The following WDFY4 variants were observed in gnomAD, a reference collection of about 807,000 sequenced individuals.
The protein encoded by WDFY4 is WD repeat- and FYVE domain-containing protein 4.
WDFY4 carries 169 observed loss-of-function variants against 351.9 expected under a neutral mutation model. That is an observed-to-expected ratio of 0.48 (90% CI 0.42 to 0.55). WDFY4 has a LOEUF of 0.55. Ranked by LOEUF, WDFY4 falls within the 20% of genes least tolerant of loss-of-function variation. The pLI is 0.00. For synonymous variants in WDFY4, 1,622 were observed against 1,574.6 expected (o/e 1.03, Z -0.71); for missense variants, 3,803 against 3,935.6 (o/e 0.97, Z 0.90).
chr10:48,736,317 T>C (rs2064666426), intron 11 of WDFY4: 2 of 607,922 alleles, frequency 3.3e-6, no homozygotes, highest in Non-Finnish European at 5.9e-6. Flanking sequence ...GGAACTACCA[T>C]CACCTGGGCA....
chr10:48,705,324 C>T (rs1039991930), intron 1 of WDFY4, among the ~76,000 whole-genome samples: 6 of 152,144 alleles, frequency 3.9e-5, no homozygotes, highest in African/African-American at 1.4e-4. Flanking sequence ...TCATTTTTGG[C>T]ACCTCCTTAA....
intron 51 of WDFY4, among the ~76,000 whole-genome samples, chr10:48,954,780 G>A (rs748804469): frequency 1.1e-4 from 17 of 152,138 alleles, no homozygotes; most frequent in Non-Finnish European, 1.8e-4. Context: ...TGAAACAAAT[G>A]TATGCAAATA....
intron 38 of WDFY4, 30 bp from the exon 39 acceptor site, chr10:48,832,543 C>T (rs1270899162): frequency 1.3e-6 from 2 of 1,517,660 alleles, no homozygotes; most frequent in Non-Finnish European, 1.8e-6. Context: ...CTCACTTCAC[C>T]TCTGACATTC....
At chr10:48,720,270 A>G in intron 3 of WDFY4, 145 bp downstream of exon 3, 1 of 829,484 alleles carries the variant, frequency 1.2e-6, no homozygotes, top group Non-Finnish European at 1.8e-6. Flanking sequence ...TCTGCCACTG[A>G]GTGCCTTAGG....
intron 55 of WDFY4, chr10:48,968,753 C>A (rs1842199306): frequency 2.5e-6 from 1 of 392,214 alleles, no homozygotes; most frequent in Non-Finnish European, 4.8e-6. Context: ...GCTCCAAATC[C>A]CGTGCTGTGA....
rs982541677 is a variant in WDFY4 at position 48,923,385 on chromosome 10, T to C, written c.7587-18421T>C. ...GAGATCAAGGAAGTCTATGCACTCA[T>C]CTGATGTTTATCAATGGCTTCTCCC... On this transcript the variant is annotated intron_variant, in intron 47 of 61. Transcript: ENST00000325239. 4.0e-5 allele frequency among the ~76,000 whole-genome samples: 6 copies of C among 151,898 alleles called. No homozygotes were observed. The South Asian group carries it at 1.0e-3, about 26-fold the overall frequency.
In WDFY4 at chr10:48,756,256, C is replaced by G. The variant is rs58378912; in HGVS notation, c.2460-4091C>G. On this transcript the variant is annotated intron_variant, in intron 12 of 61. Transcript: ENST00000325239. ...TGCACATGTTTTCTTAGATTTATACCAGAGTCTTTTGTTGAACACACTTCC... is the reference window on the plus strand; with the variant it reads ...TGCACATGTTTTCTTAGATTTATACGAGAGTCTTTTGTTGAACACACTTCC... Among the ~76,000 whole-genome samples the G allele has an allele frequency of 3.4e-4, 51 of 152,026 alleles. No homozygotes were observed. The East Asian group carries it at 9.4e-3, about 28-fold the overall frequency.
intron 47 of WDFY4, among the ~76,000 whole-genome samples, chr10:48,907,407 G>A (rs1023307477): frequency 2.7e-4 from 41 of 152,056 alleles, no homozygotes; most frequent in Non-Finnish European, 5.6e-4. Context: ...ATTGTACCTG[G>A]GTGTTTGCAG....
At chr10:48,883,001 C>A (rs1284301384) in intron 43 of WDFY4, among the ~76,000 whole-genome samples, 1 of 152,182 alleles carries the variant, frequency 6.6e-6, no homozygotes, top group African/African-American at 2.4e-5. Flanking sequence ...TGTTTTCGTT[C>A]CCTCTCTACT....
intron 45 of WDFY4, among the ~76,000 whole-genome samples, chr10:48,900,017 A>T (rs572305475): frequency 6.6e-6 from 1 of 152,156 alleles, no homozygotes; most frequent in Non-Finnish European, 1.5e-5. Context: ...AGCTGTGGTC[A>T]GGCCCCCTGC....
intron 39 of WDFY4, among the ~76,000 whole-genome samples, chr10:48,839,133 C>T (rs1383365577): frequency 2.6e-5 from 4 of 152,256 alleles, no homozygotes; most frequent in African/African-American, 4.8e-5. Context: ...AAAAAGCTCA[C>T]GAGCCCAGAG....
intron 19 of WDFY4, among the ~76,000 whole-genome samples, chr10:48,786,298 A>G (rs1017110634): frequency 1.2e-4 from 18 of 152,200 alleles, no homozygotes; most frequent in South Asian, 1.0e-3. Context: ...TCCACTCTGT[A>G]TGTATGTAAT....
At chr10:48,954,558 T>C (rs1841494406) in intron 51 of WDFY4, among the ~76,000 whole-genome samples, 1 of 152,230 alleles carries the variant, frequency 6.6e-6, no homozygotes, top group Non-Finnish European at 1.5e-5. Context: ...TCTCTGCCTC[T>C]TACCTTCTTG....
intron 51 of WDFY4, among the ~76,000 whole-genome samples, chr10:48,953,333 T>TCTCA (rs771339557): frequency 0.022 from 2,837 of 128,098 alleles, 70 homozygotes; most frequent in African/African-American, 0.06. Flanking sequence ...TCTCTCTCTC[T>TCTCA]CACACACACA....
chr10:48,897,485 A>G lies in WDFY4; in HGVS notation c.7348A>G (p.Ser2450Gly). 1 of 1,551,786 alleles carries G rather than the reference A, an allele frequency of 6.4e-7. No homozygotes were observed. Among genetic ancestry groups the G allele is most frequent in the Non-Finnish European group, 8.7e-7 (1 of 1,147,044 alleles). The change falls in exon 45 of 62, where the codon AGC (serine) becomes GGC (glycine). Residue 2450 changes from serine to glycine, a missense_variant. Ser to Gly is a moderately conservative substitution (Grantham distance 56). Around this residue, in one of 3 missense-constraint regions of WDFY4, gnomAD observed 3,054 missense variants for 3,148.6 expected, o/e 0.97. Transcript: ENST00000325239. Reference sequence around the variant, plus strand: ...CGATCCGTTCATTTTCAACCTGTGCAGCAAAGACAGGTCCACTGACCATTA... The same window carrying G: ...CGATCCGTTCATTTTCAACCTGTGCGGCAAAGACAGGTCCACTGACCATTA... The part of the protein sequence containing the change: ...ISDPFIFNLC[S>G]KDRSTDHYSC...
intron 47 of WDFY4, among the ~76,000 whole-genome samples, chr10:48,919,692 T>C (rs1252393352): frequency 6.6e-6 from 1 of 152,188 alleles, no homozygotes; most frequent in Non-Finnish European, 1.5e-5. Flanking sequence ...CTTTTGGTAA[T>C]GGCATAAATT....
At chr10:48,851,922 C>T (rs1037063792) in intron 39 of WDFY4, among the ~76,000 whole-genome samples, 3 of 152,262 alleles carry the variant, frequency 2.0e-5, no homozygotes, top group South Asian at 2.1e-4. Context: ...GGCCTAGACC[C>T]GCTTTGCCTC....
At chr10:48,776,694 G>A (rs1170164952) in intron 15 of WDFY4, 56 bp from the exon 16 acceptor site, 7 of 1,300,688 alleles carry the variant, frequency 5.4e-6, no homozygotes, top group Middle Eastern at 2.6e-4. Flanking sequence ...ATTGTCAGAA[G>A]CGAGACAGAA....
intron 51 of WDFY4, among the ~76,000 whole-genome samples, chr10:48,949,335 T>C (rs116432607): frequency 2.4e-4 from 37 of 152,248 alleles, no homozygotes; most frequent in African/African-American, 8.2e-4. Flanking sequence ...GCTTTTTCCT[T>C]AGGAAAAAAG....
Sources: gnomAD v4.1 joint callset for allele counts (sites outside exome capture counted in the v4.1 genomes callset) on GRCh38, gnomAD v4.1.1 for gene constraint, gnomAD v4.1.1 regional missense constraint, MANE v1.5 for transcripts, NCBI Gene and HGNC (gene_info 2026-07-23, HGNC 2026-07-21) for gene names.